CNTN1: variants seen among roughly 807,000 people sequenced by gnomAD.
CNTN1 encodes contactin-1.
Under a neutral mutation model 126.4 loss-of-function variants are expected in CNTN1, and 38 were observed. That is an observed-to-expected ratio of 0.30 (90% CI 0.23 to 0.39). The LOEUF (loss-of-function observed/expected upper bound fraction) is 0.39. Ranked by LOEUF, CNTN1 falls within the 10% of genes least tolerant of loss-of-function variation. CNTN1 has a pLI of 1.00. For missense variants in CNTN1, 1,009 were observed against 1,248.4 expected, an observed-to-expected ratio of 0.81 and a Z score of 2.89; for synonymous variants, 413 against 422.6, an observed-to-expected ratio of 0.98 and a Z score of 0.28.
At chr12:40,922,574 C>A in intron 5 of CNTN1, 146 bp downstream of exon 5, 1 of 739,952 alleles carries the variant, frequency 1.4e-6, no homozygotes, top group Non-Finnish European at 2.4e-6. Flanking sequence ...GTAATGGAGA[C>A]AACAAAGCAC....
chr12:41,023,515 C>G (rs141705635), intron 20 of CNTN1, among the ~76,000 whole-genome samples: 1 of 152,200 alleles, frequency 6.6e-6, no homozygotes, highest in Non-Finnish European at 1.5e-5. Context: ...ACTTTGGGCT[C>G]TTGCCCAGGA....
intron 23 of CNTN1, among the ~76,000 whole-genome samples, chr12:41,050,035 GAT>G (rs1949636300): frequency 6.6e-6 from 1 of 152,130 alleles, no homozygotes; most frequent in Non-Finnish European, 1.5e-5. Context: ...AAGTAGCTGG[GAT>G]TACAGGTGCA....
chr12:40,714,197 T>C (rs1056587330), intron 1 of CNTN1, among the ~76,000 whole-genome samples: 1 of 152,072 alleles, frequency 6.6e-6, no homozygotes, highest in Non-Finnish European at 1.5e-5. Flanking sequence ...GATTTTTGGA[T>C]TTTCAAAAAG....
intron 1 of CNTN1, among the ~76,000 whole-genome samples, chr12:40,872,221 T>G (rs1396310097): frequency 9.3e-6 from 1 of 107,230 alleles, no homozygotes; most frequent in East Asian, 2.3e-4. Context: ...TTTGTGTGTG[T>G]GTGTGTGTGT....
chr12:40,753,871 A>G (rs1257336665), intron 1 of CNTN1, among the ~76,000 whole-genome samples: 1 of 152,182 alleles, frequency 6.6e-6, no homozygotes, highest in Admixed American at 6.5e-5. Flanking sequence ...ATGTTCTTCA[A>G]TATTATGAAT....
intron 15 of CNTN1, among the ~76,000 whole-genome samples, chr12:40,969,396 G>A (rs2137039138): frequency 6.6e-6 from 1 of 152,186 alleles, no homozygotes; most frequent in Non-Finnish European, 1.5e-5. Context: ...TGTCACTACT[G>A]GGATTAAATG....
At chr12:40,759,022 G>A (rs1389644810) in intron 1 of CNTN1, among the ~76,000 whole-genome samples, 1 of 152,026 alleles carries the variant, frequency 6.6e-6, no homozygotes, top group Non-Finnish European at 1.5e-5. Context: ...TCCTGCCTCG[G>A]CCTCCCAAGT....
intron 17 of CNTN1, among the ~76,000 whole-genome samples, chr12:41,000,254 G>A (rs1361177240): frequency 6.6e-6 from 1 of 152,034 alleles, no homozygotes; most frequent in Non-Finnish European, 1.5e-5. Context: ...CCTAAGGAAG[G>A]CAATATTTGA....
intron 23 of CNTN1, among the ~76,000 whole-genome samples, chr12:41,034,660 G>T (rs56098210): frequency 6.6e-6 from 1 of 152,052 alleles, no homozygotes; most frequent in Non-Finnish European, 1.5e-5. Flanking sequence ...GAGTATTCAA[G>T]TATATAAATC....
intron 4 of CNTN1, 29 bp downstream of exon 4, chr12:40,918,800 T>G: frequency 1.2e-6 from 2 of 1,612,480 alleles, no homozygotes; most frequent in Non-Finnish European, 1.7e-6. Flanking sequence ...CTTTTCAGAG[T>G]GGAGTGTCAG....
At chr12:40,745,532 G>A (rs189151114) in intron 1 of CNTN1, among the ~76,000 whole-genome samples, 1 of 152,222 alleles carries the variant, frequency 6.6e-6, no homozygotes, top group East Asian at 1.9e-4. Flanking sequence ...GAAAATGTCT[G>A]GGTTAAGATA....
At chr12:40,935,860 G>A (rs911852416) in intron 9 of CNTN1, among the ~76,000 whole-genome samples, 24 of 151,834 alleles carry the variant, frequency 1.6e-4, no homozygotes, top group Admixed American at 1.3e-3. Context: ...AGATAAAAAT[G>A]TTTTCTAGTT....
At chr12:41,055,663 T>C in intron 23 of CNTN1, among the ~76,000 whole-genome samples, 1 of 152,132 alleles carries the variant, frequency 6.6e-6, no homozygotes, top group Non-Finnish European at 1.5e-5. Context: ...GTTAAGTTTT[T>C]TCCTGTTATA....
At chr12:41,021,815 C>G (rs1200665104) in intron 20 of CNTN1, among the ~76,000 whole-genome samples, 1 of 151,756 alleles carries the variant, frequency 6.6e-6, no homozygotes, top group Non-Finnish European at 1.5e-5. Flanking sequence ...GTGTTTGCGG[C>G]TAGTAGGAAA....
chr12:40,800,371 C>T lies in CNTN1; in HGVS notation c.-77+107779C>T, dbSNP rs946983125. 3.9e-5 allele frequency among the ~76,000 whole-genome samples: 6 copies of T among 151,968 alleles called. No individual in the cohort carries two copies. In the South Asian group the frequency reaches 1.0e-3, roughly 26 times the overall value. ...TTTTTTATTTTATAAATTACCCAGTCTTGGGTATTTCTTCGTAGTAGTGTG... is the reference window on the plus strand; with the variant it reads ...TTTTTTATTTTATAAATTACCCAGTTTTGGGTATTTCTTCGTAGTAGTGTG... On this transcript the variant is annotated intron_variant, in intron 1 of 23. Transcript: ENST00000551295.
intron 1 of CNTN1, among the ~76,000 whole-genome samples, chr12:40,813,789 G>T (rs998412702): frequency 1.3e-5 from 2 of 152,162 alleles, no homozygotes; most frequent in African/African-American, 4.8e-5. Flanking sequence ...CACAATGGTT[G>T]AACTAATTTA....
In CNTN1 at chr12:40,944,145, A is replaced by C. The variant is rs1204662214; in HGVS notation, c.1658A>C (p.Asn553Thr). Residue 553 changes from asparagine to threonine, a missense_variant, in exon 14 of 24, where the codon AAT (asparagine) becomes ACT (threonine). Transcript: ENST00000551295. Reference protein sequence around the residue: ...NGYVIDFNKENIHYQRNFMLD... With the variant: ...NGYVIDFNKETIHYQRNFMLD... ...TATGTGATCGATTTTAACAAAGAGA[A>C]TATTCACTACCAGAGGAATTTTATG... 6.2e-7 allele frequency: 1 copy of C among 1,613,324 alleles called. No individual in the cohort carries two copies. Among genetic ancestry groups the C allele is most frequent in the Non-Finnish European group, 8.5e-7 (1 of 1,179,484 alleles).
chr12:40,823,983 T>C (rs918829401), intron 1 of CNTN1, among the ~76,000 whole-genome samples: 8 of 152,138 alleles, frequency 5.3e-5, no homozygotes, highest in African/African-American at 1.9e-4. Context: ...CCTCATCACT[T>C]CTGGTGGATT....
In CNTN1 at chr12:40,802,977, C is replaced by T. The variant is rs73112690; in HGVS notation, c.-76-105380C>T. 9.1e-3 allele frequency among the ~76,000 whole-genome samples: 1,385 copies of T among 151,980 alleles called. 18 individuals carry two copies. Among genetic ancestry groups the T allele is most frequent in the African/African-American group, 0.031 (1,278 of 41,492 alleles). Reference sequence around the variant, plus strand: ...GTATTTTACTAGTAAAGCCATGTTTCGAATCCTGTCAAAATTGTTTGGAGA... The same window carrying T: ...GTATTTTACTAGTAAAGCCATGTTTTGAATCCTGTCAAAATTGTTTGGAGA... On this transcript the variant is annotated intron_variant, in intron 1 of 23. Transcript: ENST00000551295.
Sources: allele counts gnomAD v4.1 joint callset (sites outside exome capture counted in the v4.1 genomes callset), GRCh38; gene constraint gnomAD v4.1.1; transcripts MANE v1.5; gene names NCBI Gene and HGNC (gene_info 2026-07-23, HGNC 2026-07-21).